The following GUCY1A2 variants were observed in gnomAD, a reference collection of about 807,000 sequenced individuals.
GUCY1A2 encodes the protein guanylate cyclase 1 soluble subunit alpha 2.
A neutral mutation model predicts 63.5 loss-of-function variants in GUCY1A2; 27 were observed. That is an observed-to-expected ratio of 0.43 (90% CI 0.31 to 0.59). GUCY1A2 has a LOEUF of 0.59. Among genes scored for constraint, GUCY1A2 ranks in the 20% least tolerant of loss-of-function variants. The pLI, the probability that GUCY1A2 is intolerant of heterozygous loss-of-function variation, is 0.11. For synonymous variants in GUCY1A2, 364 were observed against 343.5 expected, an observed-to-expected ratio of 1.06 and a Z score of -0.66; for missense variants, 768 against 913.3, an observed-to-expected ratio of 0.84 and a Z score of 2.05.
chr11:106,746,492 A>T, intron 6 of GUCY1A2: 1 of 847,300 alleles, frequency 1.2e-6, no homozygotes, highest in Admixed American at 2.1e-5. Context: ...AGTAAGTAAT[A>T]ACCAATATGC....
At chr11:106,939,387 C>T (rs1860720665) in intron 4 of GUCY1A2, 73 bp downstream of exon 4, 8 of 771,504 alleles carry the variant, frequency 1.0e-5, no homozygotes, top group Non-Finnish European at 1.7e-5. Flanking sequence ...ACAAGTACAG[C>T]CACCATGTAA....
At chr11:106,989,780 T>C (rs1023260656) in intron 1 of GUCY1A2, among the ~76,000 whole-genome samples, 1 of 152,070 alleles carries the variant, frequency 6.6e-6, no homozygotes, top group South Asian at 2.1e-4. Flanking sequence ...TTAAGATCAG[T>C]TGAGAGAGAC....
At chr11:106,815,560 A>G (rs922168135) in intron 4 of GUCY1A2, among the ~76,000 whole-genome samples, 5 of 151,096 alleles carry the variant, frequency 3.3e-5, no homozygotes, top group Non-Finnish European at 7.4e-5. Context: ...AACAGAAAGA[A>G]AAAGATAAGA....
intron 4 of GUCY1A2, among the ~76,000 whole-genome samples, chr11:106,831,156 AGTTTT>A (rs1294693179): frequency 1.3e-4 from 20 of 152,234 alleles, no homozygotes; most frequent in Non-Finnish European, 2.5e-4. Context: ...ATTTCTGCTT[AGTTTT>A]ATCAATTAAA....
At chr11:106,911,365 A>G (rs1860291553) in intron 4 of GUCY1A2, among the ~76,000 whole-genome samples, 1 of 152,098 alleles carries the variant, frequency 6.6e-6, no homozygotes. Context: ...ACCCACTTTA[A>G]TCATTTTGTT....
At chr11:107,017,542 T>C (rs1861840339) in intron 1 of GUCY1A2, among the ~76,000 whole-genome samples, 1 of 152,198 alleles carries the variant, frequency 6.6e-6, no homozygotes, top group Non-Finnish European at 1.5e-5. Flanking sequence ...AGTGGAATCT[T>C]ATTCCTTCCC....
At chr11:106,998,305 A>G (rs1861567226) in intron 1 of GUCY1A2, among the ~76,000 whole-genome samples, 1 of 152,210 alleles carries the variant, frequency 6.6e-6, no homozygotes, top group Non-Finnish European at 1.5e-5. Flanking sequence ...AAGGATGTGA[A>G]TAAGAAAGGG....
At chr11:106,921,800 C>T (rs1372462417) in intron 4 of GUCY1A2, among the ~76,000 whole-genome samples, 1 of 152,094 alleles carries the variant, frequency 6.6e-6, no homozygotes, top group East Asian at 1.9e-4. Context: ...TAGGGGTTAC[C>T]ACAATGTGTT....
intron 6 of GUCY1A2, among the ~76,000 whole-genome samples, chr11:106,723,009 T>C (rs1863344252): frequency 6.6e-6 from 1 of 152,258 alleles, no homozygotes; most frequent in Non-Finnish European, 1.5e-5. Context: ...TATATATGTG[T>C]AATTTTATAG....
At chr11:106,890,514 T>C (rs1859959272) in intron 4 of GUCY1A2, among the ~76,000 whole-genome samples, 1 of 152,206 alleles carries the variant, frequency 6.6e-6, no homozygotes, top group Non-Finnish European at 1.5e-5. Context: ...ATGCCTTCTG[T>C]ACTCACTATT....
chr11:106,704,834 A>G (rs564468623), intron 7 of GUCY1A2, among the ~76,000 whole-genome samples: 7 of 151,246 alleles, frequency 4.6e-5, no homozygotes, highest in African/African-American at 1.5e-4. Flanking sequence ...TTTATAATAT[A>G]TGCATTATTT....
intron 6 of GUCY1A2, among the ~76,000 whole-genome samples, chr11:106,733,490 T>G (rs1409787798): frequency 6.6e-6 from 1 of 152,176 alleles, no homozygotes; most frequent in African/African-American, 2.4e-5. Context: ...GTCTCACCAT[T>G]TAGTACCTCT....
chr11:106,934,057 C>A (rs532392658), intron 4 of GUCY1A2, among the ~76,000 whole-genome samples: 2 of 152,000 alleles, frequency 1.3e-5, no homozygotes, highest in African/African-American at 4.8e-5. Flanking sequence ...AATATACCCA[C>A]GTAACAAACC....
intron 5 of GUCY1A2, among the ~76,000 whole-genome samples, chr11:106,803,999 C>T (rs577075406): frequency 2.8e-4 from 42 of 152,170 alleles, no homozygotes; most frequent in Non-Finnish European, 5.3e-4. Context: ...GAACAGAATG[C>T]TTATCTGTGA....
At chr11:106,787,609 A>AGGGGG (rs1864585352) in intron 5 of GUCY1A2, among the ~76,000 whole-genome samples, 1 of 24,586 alleles carries the variant, frequency 4.1e-5, no homozygotes, top group East Asian at 1.5e-3. Flanking sequence ...GAAAAAGAGA[A>AGGGGG]AGAGAGAACA....
At chr11:106,738,892 T>C (rs1220457405) in intron 6 of GUCY1A2, among the ~76,000 whole-genome samples, 1 of 152,204 alleles carries the variant, frequency 6.6e-6, no homozygotes, top group Non-Finnish European at 1.5e-5. Flanking sequence ...TTTGGTTCCA[T>C]ATGAAATTTA....
intron 5 of GUCY1A2, among the ~76,000 whole-genome samples, chr11:106,783,485 C>T (rs1864500876): frequency 6.6e-6 from 1 of 152,158 alleles, no homozygotes; most frequent in African/African-American, 2.4e-5. Flanking sequence ...CTCCACATGA[C>T]AGTTGGTATT....
At chr11:106,840,283 G>C (rs1362651908) in intron 4 of GUCY1A2, among the ~76,000 whole-genome samples, 1 of 151,848 alleles carries the variant, frequency 6.6e-6, no homozygotes. Flanking sequence ...AAGATACTTG[G>C]AAAAATAATA....
chr11:106,684,283 G>C lies in GUCY1A2; in HGVS notation c.*3266C>G, dbSNP rs897061278. On this transcript the variant is annotated 3_prime_UTR_variant, in exon 8 of 8. Transcript: ENST00000526355. ...ATTCCACATAATCAGATATTAAAAG[G>C]AAAATCTGAAATTACTTAAAATATA... The C allele has an allele frequency of 5.4e-6, 1 of 185,760 alleles. No individual in the cohort carries two copies. The highest frequency in any genetic ancestry group is 2.3e-5 in the African/African-American group (1 of 42,630). 11.5% of individuals were successfully genotyped at this position (185,760 alleles called of 1,614,324 possible).
Sources: gnomAD v4.1 joint callset for allele counts (sites outside exome capture counted in the v4.1 genomes callset) on GRCh38, gnomAD v4.1.1 for gene constraint, MANE v1.5 for transcripts, NCBI Gene and HGNC (gene_info 2026-07-23, HGNC 2026-07-21) for gene names.